The following DNAH8 variants were observed in gnomAD, a reference collection of about 807,000 sequenced individuals.
DNAH8 encodes the protein axonemal beta dynein heavy chain 8.
In DNAH8, 382 loss-of-function variants were observed where a neutral mutation model predicts 562.1. That is an observed-to-expected ratio of 0.68 (90% CI 0.63 to 0.74). The LOEUF is 0.74. DNAH8 is among the 30% of genes least tolerant of loss of function. DNAH8 has a pLI of 0.00. For synonymous variants in DNAH8, 1,881 were observed against 1,919.4 expected (o/e 0.98, Z 0.52); for missense variants, 5,203 against 5,620.4 (o/e 0.93, Z 2.37).
chr6:38,971,468 A>G, intron 82 of DNAH8, 124 bp from the exon 83 acceptor site: 1 of 547,654 alleles, frequency 1.8e-6, no homozygotes, highest in Non-Finnish European at 2.8e-6. Context: ...TTTGAACAGC[A>G]AAGATTTTTT....
At chr6:38,883,596 A>G (rs968357859) in intron 55 of DNAH8, 140 bp downstream of exon 55, 1 of 1,025,694 alleles carries the variant, frequency 9.7e-7, no homozygotes, top group Non-Finnish European at 1.3e-6. Context: ...TCAGCTGTTT[A>G]GCTTTCCTAA....
chr6:38,832,378 T>A lies in DNAH8; in HGVS notation c.4245T>A (p.Leu1415=). The change falls in exon 31 of 93, where the codon CTT becomes CTA. Residue 1415 remains leucine (L), a synonymous_variant. Transcript: ENST00000327475. ...QVQPKFKSNL[L]ESVEVFREDV... ...AGCCAAAGTTTAAAAGCAATCTACT[T>A]GAGTCTGTGGAAGTTTTTCGTGAGG... is the stretch of plus-strand genomic sequence containing the variant. The A allele has an allele frequency of 6.2e-7, 1 of 1,613,930 alleles. No individual in the cohort carries two copies. The highest frequency in any genetic ancestry group is 8.5e-7 in the Non-Finnish European group (1 of 1,179,858).
At chr6:38,981,759 A>G (rs1423276538) in intron 85 of DNAH8, among the ~76,000 whole-genome samples, 1 of 152,230 alleles carries the variant, frequency 6.6e-6, no homozygotes, top group Non-Finnish European at 1.5e-5. Context: ...TTGAGTTGTC[A>G]GTGGAGACCT....
chr6:38,995,652 G>C lies in DNAH8; in HGVS notation c.13214+5480G>C, dbSNP rs569967720. Among the ~76,000 whole-genome samples, 3 of 152,314 alleles carry C rather than the reference G, an allele frequency of 2.0e-5. No individual in the cohort carries two copies. The East Asian group carries it at 5.8e-4, about 29-fold the overall frequency. Reference sequence around the variant, plus strand: ...TATTTTCACAAAGACATGCAAACTAGTCTTTAATCTGGTCTAATAAGCTGG... The same window carrying C: ...TATTTTCACAAAGACATGCAAACTACTCTTTAATCTGGTCTAATAAGCTGG... On this transcript the variant is annotated intron_variant, in intron 88 of 92. Coordinates refer to ENST00000327475, the MANE Select transcript of DNAH8 (RefSeq NM_001206927.2).
chr6:38,873,497 C>A, intron 52 of DNAH8, 121 bp downstream of exon 52: 3 of 814,576 alleles, frequency 3.7e-6, no homozygotes, highest in Non-Finnish European at 5.5e-6. Context: ...GATGATGTGG[C>A]TGTAAAAGCT....
chr6:38,882,782 G>A (rs1050624279), intron 53 of DNAH8, 128 bp from the exon 54 acceptor site: 2 of 635,892 alleles, frequency 3.1e-6, no homozygotes, highest in Admixed American at 6.3e-5. Context: ...ATATTAACAT[G>A]TTTTAGGAAA....
intron 28 of DNAH8, among the ~76,000 whole-genome samples, chr6:38,824,075 A>C (rs979299946): frequency 6.6e-6 from 1 of 152,132 alleles, no homozygotes; most frequent in African/African-American, 2.4e-5. Flanking sequence ...ATGAGATGGG[A>C]CTCAAACAGT....
intron 85 of DNAH8, among the ~76,000 whole-genome samples, chr6:38,981,630 G>T (rs753037616): frequency 1.3e-5 from 2 of 152,192 alleles, no homozygotes; most frequent in Non-Finnish European, 2.9e-5. Flanking sequence ...CTTGAGAGAG[G>T]TTTAGATAAT....
chr6:38,828,324 G>A (rs1371696404), intron 30 of DNAH8, 36 bp downstream of exon 30: 3 of 1,283,862 alleles, frequency 2.3e-6, no homozygotes, highest in Admixed American at 4.6e-5. Flanking sequence ...TTTTTCTTAA[G>A]TCACTATCTC....
chr6:38,903,717 G>A (rs1780241629), intron 62 of DNAH8, among the ~76,000 whole-genome samples: 1 of 148,670 alleles, frequency 6.7e-6, no homozygotes, highest in South Asian at 2.1e-4. Context: ...GGTTCAAGCA[G>A]TTATCTGCCT....
chr6:38,848,898 G>T, intron 37 of DNAH8, 97 bp downstream of exon 37: 3 of 1,235,736 alleles, frequency 2.4e-6, no homozygotes, highest in East Asian at 2.3e-5. Context: ...GTCAAGGCTT[G>T]ACTATGATGG....
chr6:38,733,141 C>G, intron 4 of DNAH8, among the ~76,000 whole-genome samples: 1 of 152,176 alleles, frequency 6.6e-6, no homozygotes, highest in Non-Finnish European at 1.5e-5. Flanking sequence ...ATCCTCCTGC[C>G]TTAGCCTCCC....
intron 88 of DNAH8, among the ~76,000 whole-genome samples, chr6:38,994,517 T>C (rs1299067228): frequency 6.8e-6 from 1 of 146,278 alleles, no homozygotes; most frequent in Non-Finnish European, 1.5e-5. Flanking sequence ...TTTTTTTTAG[T>C]GCTTGTATGG....
chr6:38,739,623 G>A (rs1781724), intron 7 of DNAH8, among the ~76,000 whole-genome samples: 39,328 of 151,940 alleles, frequency 0.26, 5,979 homozygotes, highest in Middle Eastern at 0.36. Context: ...CCTGGGGAAC[G>A]CAGTGAGACC....
chr6:38,741,555 A>C (rs1764522230), intron 7 of DNAH8, among the ~76,000 whole-genome samples, 156 bp from the exon 8 acceptor site: 1 of 152,188 alleles, frequency 6.6e-6, no homozygotes, highest in Admixed American at 6.5e-5. Flanking sequence ...ATCATATTGA[A>C]GACATTCTCC....
At chr6:39,020,739 A>G (rs1476884845) in intron 91 of DNAH8, among the ~76,000 whole-genome samples, 4 of 151,184 alleles carry the variant, frequency 2.6e-5, no homozygotes, top group Non-Finnish European at 5.9e-5. Flanking sequence ...TCATTGTTCA[A>G]CTCTTACTTG....
chr6:38,838,217 A>G (rs911634416), intron 33 of DNAH8, among the ~76,000 whole-genome samples, 175 bp downstream of exon 33: 1 of 152,234 alleles, frequency 6.6e-6, no homozygotes, highest in Admixed American at 6.5e-5. Flanking sequence ...TCTCCTATAC[A>G]AAAGAAACGT....
chr6:38,945,552 G>A lies in DNAH8; in HGVS notation c.12093G>A (p.Leu4031=). ...TGACTTGGCTGAATCTTGTGGAGCT[G>A]AGTAAACTTCCACAATTTGCAGAAA... ...LDMTWLNLVE[L]SKLPQFAEIM... The change falls in exon 80 of 93, where the codon CTG becomes CTA. Residue 4031 remains leucine, a synonymous_variant. Coordinates refer to ENST00000327475, the MANE Select transcript of DNAH8 (RefSeq NM_001206927.2). 6.2e-7 allele frequency: 1 copy of A among 1,614,134 alleles called. No homozygotes were observed. The highest frequency in any genetic ancestry group is 8.5e-7 in the Non-Finnish European group (1 of 1,180,004).
At chr6:38,718,335 T>C (rs1353841338) in intron 1 of DNAH8, among the ~76,000 whole-genome samples, 3 of 150,576 alleles carry the variant, frequency 2.0e-5, no homozygotes, top group African/African-American at 5.0e-5. Context: ...AATTCCTCTA[T>C]ATAAAGTAGT....
Sources: gnomAD v4.1 joint callset for allele counts (sites outside exome capture counted in the v4.1 genomes callset) on GRCh38, gnomAD v4.1.1 for gene constraint, MANE v1.5 for transcripts, NCBI Gene and HGNC (gene_info 2026-07-23, HGNC 2026-07-21) for gene names.